CAPRIN2: variants seen among roughly 807,000 people sequenced by gnomAD.
The protein encoded by CAPRIN2 is caprin-2.
In CAPRIN2, 66 loss-of-function variants were observed where a neutral mutation model predicts 130.4. That is an observed-to-expected ratio of 0.51 (90% CI 0.42 to 0.62). The LOEUF (loss-of-function observed/expected upper bound fraction) is 0.62. CAPRIN2 is among the 20% of genes least tolerant of loss of function. CAPRIN2 has a pLI of 0.00. For synonymous variants in CAPRIN2, 471 were observed against 444.1 expected, an observed-to-expected ratio of 1.06 and a Z score of -0.76; for missense variants, 1,185 against 1,246.6, an observed-to-expected ratio of 0.95 and a Z score of 0.74.
In CAPRIN2 at chr12:30,741,011, CA is replaced by C. The variant is rs2067213981; in HGVS notation, c.570+8del. 1 of 1,577,062 alleles carries C rather than the reference CA, an allele frequency of 6.3e-7. No individual in the cohort carries two copies. The highest frequency in any genetic ancestry group is 8.7e-7 in the Non-Finnish European group (1 of 1,153,108). On this transcript the variant is annotated splice_region_variant and intron_variant, in intron 3 of 16. Coordinates refer to ENST00000298892, the Ensembl canonical transcript of CAPRIN2. Reference sequence around the variant, plus strand: ...CTGGTTTCAGGAAAAGCAAAGAAAACATACTCACATCTAGGCTCAACCCAGA... The same window carrying C: ...CTGGTTTCAGGAAAAGCAAAGAAAACTACTCACATCTAGGCTCAACCCAGA...
exon 1 of CAPRIN2, chr12:30,753,990 G>C (rs1264572778): frequency 9.9e-6 from 5 of 504,828 alleles, no homozygotes; most frequent in Non-Finnish European, 1.4e-5. Context: ...CGGGACCTAA[G>C]GCTGAGCCAC....
intron 7 of CAPRIN2, 58 bp from the exon 9 acceptor site, chr12:30,729,383 T>C: frequency 8.4e-7 from 1 of 1,186,672 alleles, no homozygotes; most frequent in Non-Finnish European, 1.2e-6. Context: ...TTGGAGGGAA[T>C]ATTCAACTCT....
At chr12:30,749,644 A>T (rs1465900583) in intron 2 of CAPRIN2, among the ~76,000 whole-genome samples, 2 of 152,220 alleles carry the variant, frequency 1.3e-5, no homozygotes, top group Non-Finnish European at 2.9e-5. Flanking sequence ...CTAGTTGATC[A>T]AGCCATCAAC....
At chr12:30,724,790 AGACC>A (rs1012422897) in intron 9 of CAPRIN2, among the ~76,000 whole-genome samples, 37 of 152,272 alleles carry the variant, frequency 2.4e-4, no homozygotes, top group African/African-American at 7.9e-4. Context: ...CAGGAGTTCG[AGACC>A]GGCATGGAAA....
chr12:30,725,598 T>C (rs997710241), intron 9 of CAPRIN2, among the ~76,000 whole-genome samples: 1 of 152,230 alleles, frequency 6.6e-6, no homozygotes, highest in African/African-American at 2.4e-5. Flanking sequence ...TTGAAGGCAA[T>C]GAATGTCTCA....
chr12:30,720,655 C>G, intron 12 of CAPRIN2, 156 bp downstream of exon 13: 1 of 547,180 alleles, frequency 1.8e-6, no homozygotes. Flanking sequence ...ATAAAGTTAC[C>G]TGTAAAAGTT....
chr12:30,724,813 G>T (rs2060423087), intron 9 of CAPRIN2, among the ~76,000 whole-genome samples: 1 of 151,910 alleles, frequency 6.6e-6, no homozygotes, highest in African/African-American at 2.4e-5. Flanking sequence ...AAAAAAGCGA[G>T]ACCTTGTTGC....
chr12:30,725,829 A>C (rs1299689868), intron 9 of CAPRIN2, 137 bp downstream of exon 10: 1 of 603,880 alleles, frequency 1.7e-6, no homozygotes, highest in African/African-American at 1.9e-5. Flanking sequence ...TAATTTGCCT[A>C]AACTCCAGGC....
chr12:30,753,594 A>T, exon 1 of CAPRIN2: 2 of 1,614,168 alleles, frequency 1.2e-6, no homozygotes, highest in Non-Finnish European at 1.7e-6. Context: ...GAGTTGCACC[A>T]TTGAAACAGA....
At chr12:30,739,316 A>G (rs2066277192) in intron 3 of CAPRIN2, among the ~76,000 whole-genome samples, 2 of 152,048 alleles carry the variant, frequency 1.3e-5, no homozygotes, top group African/African-American at 2.4e-5. Flanking sequence ...GAAAGCAAAT[A>G]CCACATGTTC....
chr12:30,728,675 G>A (rs199804624), exon 8 of CAPRIN2: 113 of 1,610,998 alleles, frequency 7.0e-5, no homozygotes, highest in Non-Finnish European at 9.2e-5. Flanking sequence ...TCAACTTCCT[G>A]GGCAGCAGCT....
At chr12:30,734,835 C>T in intron 4 of CAPRIN2, 133 bp downstream of exon 5, 1 of 681,246 alleles carries the variant, frequency 1.5e-6, no homozygotes, top group Non-Finnish European at 2.6e-6. Context: ...CTTAAGTTCT[C>T]TCTCCCCCTC....
At chr12:30,742,816 G>C (rs931576395) in intron 2 of CAPRIN2, among the ~76,000 whole-genome samples, 2 of 151,996 alleles carry the variant, frequency 1.3e-5, no homozygotes, top group Non-Finnish European at 2.9e-5. Context: ...GTTGGGATCT[G>C]GTGCTTGCTT....
Position 30,753,267 on chromosome 12 carries a change from A to G in CAPRIN2, c.420+77T>C. 6 of 1,244,580 alleles carry G rather than the reference A, an allele frequency of 4.8e-6. No individual in the cohort carries two copies. In the South Asian group the frequency reaches 8.7e-5, roughly 18 times the overall value. 77.1% of individuals were successfully genotyped at this position (1,244,580 alleles called of 1,614,324 possible). A position where few individuals can be genotyped will look rare whatever the true frequency, so the allele number is the denominator to read the frequency against. ...GTTAAATTTTTAGTAGAGAACACCT[A>G]TGAGCTCTGAAAGAAAAATGTCAGC... On this transcript the variant is annotated intron_variant, in intron 1 of 16. Transcript: ENST00000298892.
exon 5 of CAPRIN2, chr12:30,733,643 ACTG>A: frequency 6.2e-7 from 1 of 1,612,072 alleles, no homozygotes; most frequent in South Asian, 1.1e-5. Context: ...CGTTCCTACC[ACTG>A]CTTTCTCACT....
exon 8 of CAPRIN2, chr12:30,729,067 C>G (rs2061782243): frequency 1.2e-6 from 2 of 1,613,966 alleles, no homozygotes; most frequent in African/African-American, 2.7e-5. Flanking sequence ...TTCTGCTCTT[C>G]CGGCAGAGTA....
In CAPRIN2 at chr12:30,731,502, A is replaced by G; in HGVS notation, c.901T>C (p.Leu301=). The change falls in exon 6 of 17, where the codon TTG becomes CTG. Residue 301 remains leucine (L), a synonymous_variant. Coordinates refer to ENST00000298892, the Ensembl canonical transcript of CAPRIN2. The stretch of plus-strand genomic sequence containing the variant: ...AGCAATTTAGACAGTAGATCCTTCA[A>G]GTGTTTGTCTAAGAAAGAGTGATTA... 1.9e-6 allele frequency: 3 copies of G among 1,612,248 alleles called. No homozygotes were observed. In the South Asian group the frequency reaches 3.3e-5, roughly 18 times the overall value.
At chr12:30,730,690 G>A (rs554337679) in intron 6 of CAPRIN2, among the ~76,000 whole-genome samples, 3 of 152,118 alleles carry the variant, frequency 2.0e-5, no homozygotes, top group Non-Finnish European at 2.9e-5. Context: ...AAGGTTAGGA[G>A]GGGATAAGAG....
At chr12:30,716,603 T>C (rs1301814205) in exon 13 of CAPRIN2, 1 of 1,614,020 alleles carries the variant, frequency 6.2e-7, no homozygotes, top group Admixed American at 1.7e-5. Context: ...ACTTTGATTG[T>C]AGCCAGGTGA....
Sources: allele counts gnomAD v4.1 joint callset (sites outside exome capture counted in the v4.1 genomes callset), GRCh38; gene constraint gnomAD v4.1.1; transcripts MANE v1.5; gene names NCBI Gene and HGNC (gene_info 2026-07-23, HGNC 2026-07-21).